ACTR3C: variants seen among roughly 807,000 people sequenced by gnomAD.
The protein encoded by ACTR3C is actin-related protein 3C.
A neutral mutation model predicts 26.3 loss-of-function variants in ACTR3C; 18 were observed. The ratio of observed to expected loss-of-function variants is 0.68; its 90% CI spans 0.47 to 1.01. The LOEUF is 1.01. ACTR3C is among the 50% of genes least tolerant of loss of function. The pLI is 0.00. For synonymous variants in ACTR3C, 55 were observed against 94.5 expected (o/e 0.58, Z 2.42); for missense variants, 184 against 250.7 (o/e 0.73, Z 1.80).
the ACTR3C span, among the ~76,000 whole-genome samples, chr7:150,044,124 T>C: frequency 0.014 from 2,125 of 152,190 alleles, 49 homozygotes; most frequent in African/African-American, 0.049. Context: ...AGGAACACAC[T>C]GTATAACCTT....
At chr7:149,924,931 G>GT in the ACTR3C span, among the ~76,000 whole-genome samples, 4 of 152,090 alleles carry the variant, frequency 2.6e-5, no homozygotes, top group Non-Finnish European at 2.9e-5. Flanking sequence ...GCCGGGCCCA[G>GT]TGACAAGTTT....
At chr7:150,042,105 C>T in the ACTR3C span, among the ~76,000 whole-genome samples, 68 of 85,564 alleles carry the variant, frequency 7.9e-4, 3 homozygotes, top group African/African-American at 3.0e-3. Context: ...GCGGGGGGTG[C>T]CTCCCCCCTC....
chr7:149,917,209 G>A, the ACTR3C span, among the ~76,000 whole-genome samples: 92 of 152,120 alleles, frequency 6.0e-4, 1 homozygote, highest in Non-Finnish European at 9.0e-4. Flanking sequence ...CCGAGTAGCT[G>A]GGATTACAGG....
At chr7:150,036,847 TG>T in the ACTR3C span, among the ~76,000 whole-genome samples, 11 of 120,162 alleles carry the variant, frequency 9.2e-5, no homozygotes, top group South Asian at 1.3e-3. Flanking sequence ...GGAGCAACGA[TG>T]GGGGGTCCTA....
the ACTR3C span, among the ~76,000 whole-genome samples, chr7:149,912,272 A>G: frequency 6.6e-6 from 1 of 151,984 alleles, no homozygotes; most frequent in Non-Finnish European, 1.5e-5. Context: ...TCAGACTACA[A>G]AAACAGACTT....
the ACTR3C span, among the ~76,000 whole-genome samples, chr7:149,931,744 T>G: frequency 1.4e-3 from 205 of 151,746 alleles, 3 homozygotes; most frequent in Admixed American, 0.01. Context: ...GTTCTGGGGG[T>G]GCCAACAGCA....
chr7:150,039,628 CAACT>C, the ACTR3C span, among the ~76,000 whole-genome samples: 1 of 145,404 alleles, frequency 6.9e-6, no homozygotes, highest in Non-Finnish European at 1.5e-5. Context: ...TCTACTTGGA[CAACT>C]AACACCCACA....
the ACTR3C span, among the ~76,000 whole-genome samples, chr7:149,973,222 G>C: frequency 6.7e-6 from 1 of 149,758 alleles, no homozygotes; most frequent in Non-Finnish European, 1.5e-5. Flanking sequence ...GGCCCCACCC[G>C]GGGGTGAAGG....
the ACTR3C span, among the ~76,000 whole-genome samples, chr7:150,055,990 G>A: frequency 0.025 from 3,760 of 152,244 alleles, 160 homozygotes; most frequent in African/African-American, 0.086. Context: ...TTTCAAGCAT[G>A]TTAAAGCGTT....
the ACTR3C span, among the ~76,000 whole-genome samples, chr7:149,967,248 GATGGTC>G: frequency 1.3e-5 from 2 of 151,582 alleles, no homozygotes; most frequent in African/African-American, 2.4e-5. Context: ...TGTTAGCCAG[GATGGTC>G]TCGATCTCCT....
At chr7:150,047,972 C>T in the ACTR3C span, 1 of 1,210,934 alleles carries the variant, frequency 8.3e-7, no homozygotes, top group Non-Finnish European at 1.0e-6. Context: ...GCAGCAGCAG[C>T]AGCAAGGCAA....
chr7:149,941,308 C>A, the ACTR3C span, among the ~76,000 whole-genome samples: 2 of 152,196 alleles, frequency 1.3e-5, no homozygotes, highest in African/African-American at 4.8e-5. Context: ...GTTCTCCTGG[C>A]ACAAGGTTAC....
the ACTR3C span, among the ~76,000 whole-genome samples, chr7:150,194,305 C>T: frequency 7.2e-6 from 1 of 139,188 alleles, no homozygotes; most frequent in African/African-American, 2.6e-5. Flanking sequence ...CTTTTCTTTT[C>T]TATGATATTA....
At chr7:149,991,129 A>C in the ACTR3C span, among the ~76,000 whole-genome samples, 117 of 152,360 alleles carry the variant, frequency 7.7e-4, 1 homozygote, top group Non-Finnish European at 1.4e-3. Flanking sequence ...CACGTCTTAC[A>C]CGGCAGCAGA....
intron 1 of ACTR3C, among the ~76,000 whole-genome samples, chr7:150,306,471 A>G (rs560467067): frequency 5.9e-5 from 9 of 152,320 alleles, no homozygotes; most frequent in Non-Finnish European, 1.3e-4. Flanking sequence ...CAAATCTGAC[A>G]GGTGGGAATC....
the ACTR3C span, among the ~76,000 whole-genome samples, chr7:150,010,712 AT>A: frequency 1.8e-4 from 25 of 138,384 alleles, no homozygotes; most frequent in South Asian, 2.1e-3. Context: ...AAAAAAAAAA[AT>A]AAGCTCTGTG....
chr7:149,967,822 G>A, the ACTR3C span, among the ~76,000 whole-genome samples: 1 of 152,062 alleles, frequency 6.6e-6, no homozygotes, highest in Admixed American at 6.5e-5. Context: ...CTACCATAAA[G>A]TTGGAGAACT....
the ACTR3C span, among the ~76,000 whole-genome samples, chr7:149,953,258 T>C: frequency 2.0e-5 from 3 of 149,552 alleles, no homozygotes; most frequent in Admixed American, 2.0e-4. Context: ...AACATAGAGC[T>C]AAGTTGGACT....
At chr7:150,047,474 G>A in the ACTR3C span, 6 of 680,848 alleles carry the variant, frequency 8.8e-6, no homozygotes, top group Non-Finnish European at 1.1e-5. Flanking sequence ...GAGCCTGTCT[G>A]GGGGCGCCCG....
Sources: gnomAD v4.1 joint callset for allele counts (sites outside exome capture counted in the v4.1 genomes callset) on GRCh38, gnomAD v4.1.1 for gene constraint, MANE v1.5 for transcripts, NCBI Gene and HGNC (gene_info 2026-07-23, HGNC 2026-07-21) for gene names.